The following GPC6 variants were observed in gnomAD, a reference collection of about 807,000 sequenced individuals.
The protein encoded by GPC6 is glypican-6.
A neutral mutation model predicts 55.2 loss-of-function variants in GPC6; 14 were observed. That is an observed-to-expected ratio of 0.25 (90% CI 0.17 to 0.40). The LOEUF (loss-of-function observed/expected upper bound fraction) is 0.40, where lower values mean the gene tolerates loss of function less well. Ranked by LOEUF, GPC6 falls within the 10% of genes least tolerant of loss-of-function variation. The pLI is 1.00. For missense variants in GPC6, 641 were observed against 708.5 expected, an observed-to-expected ratio of 0.90 and a Z score of 1.08; for synonymous variants, 278 against 259.6, an observed-to-expected ratio of 1.07 and a Z score of -0.68.
At chr13:93,394,668 A>G (rs1327697135) in intron 1 of GPC6, among the ~76,000 whole-genome samples, 1 of 152,224 alleles carries the variant, frequency 6.6e-6, no homozygotes, top group Non-Finnish European at 1.5e-5. Context: ...ATGCAAACCA[A>G]GTTATAGGTA....
At chr13:93,448,922 T>G (rs1043188062) in intron 1 of GPC6, among the ~76,000 whole-genome samples, 2 of 144,962 alleles carry the variant, frequency 1.4e-5, no homozygotes, top group Admixed American at 6.6e-5. Flanking sequence ...CATTCATTAG[T>G]TAATCTGCTT....
chr13:93,555,734 G>A (rs890932026), intron 2 of GPC6, among the ~76,000 whole-genome samples: 1 of 152,162 alleles, frequency 6.6e-6, no homozygotes, highest in Non-Finnish European at 1.5e-5. Context: ...ACACAGGCGT[G>A]AATAAGAAAT....
At chr13:93,418,848 G>A (rs1475283793) in intron 1 of GPC6, among the ~76,000 whole-genome samples, 2 of 150,996 alleles carry the variant, frequency 1.3e-5, no homozygotes, top group East Asian at 3.9e-4. Flanking sequence ...CTATACCGTA[G>A]CATCACTTTA....
chr13:93,576,791 A>G (rs1292937933), intron 2 of GPC6, among the ~76,000 whole-genome samples: 1 of 152,172 alleles, frequency 6.6e-6, no homozygotes. Context: ...ATTTCCATCA[A>G]GAAAGAATGT....
At chr13:93,867,811 C>G (rs1191924012) in intron 3 of GPC6, among the ~76,000 whole-genome samples, 1 of 151,730 alleles carries the variant, frequency 6.6e-6, no homozygotes, top group East Asian at 2.0e-4. Context: ...ATTCTTGAAG[C>G]TTAAATCATC....
At chr13:93,379,579 T>G (rs1875068316) in intron 1 of GPC6, among the ~76,000 whole-genome samples, 1 of 152,220 alleles carries the variant, frequency 6.6e-6, no homozygotes, top group Admixed American at 6.5e-5. Context: ...ATATATGCCT[T>G]GAATTTAGAG....
chr13:94,042,171 C>G (rs1432188155), intron 4 of GPC6, among the ~76,000 whole-genome samples: 1 of 151,728 alleles, frequency 6.6e-6, no homozygotes, highest in Non-Finnish European at 1.5e-5. Context: ...CCTTCCCTCT[C>G]TTCCTCCTAC....
chr13:94,063,918 G>A (rs185406824), intron 4 of GPC6, among the ~76,000 whole-genome samples: 1 of 152,256 alleles, frequency 6.6e-6, no homozygotes, highest in Admixed American at 6.5e-5. Context: ...TTCATGGTTG[G>A]AAGCATTTTC....
chr13:93,948,995 A>G (rs539026605), intron 3 of GPC6, among the ~76,000 whole-genome samples: 1 of 152,260 alleles, frequency 6.6e-6, no homozygotes, highest in African/African-American at 2.4e-5. Flanking sequence ...TTATCTGAGG[A>G]GATGACAGGG....
At chr13:94,125,209 A>G (rs1363380344) in intron 4 of GPC6, among the ~76,000 whole-genome samples, 3 of 152,150 alleles carry the variant, frequency 2.0e-5, no homozygotes, top group Non-Finnish European at 4.4e-5. Context: ...GTAAATTTCT[A>G]TTTTATGAAC....
At chr13:93,842,251 C>G (rs560063239) in intron 3 of GPC6, among the ~76,000 whole-genome samples, 8 of 152,112 alleles carry the variant, frequency 5.3e-5, no homozygotes, top group African/African-American at 1.2e-4. Context: ...ATCAGAGGCT[C>G]AGCCAAGGAG....
At position 94,014,894 on chromosome 13, in the gene GPC6, A is replaced by G. The variant is rs115443716; in HGVS notation, c.712-12835A>G. Among the ~76,000 whole-genome samples the G allele has an allele frequency of 3.8e-3, 574 of 152,282 alleles. 2 individuals carry two copies. Among genetic ancestry groups the G allele is most frequent in the African/African-American group, 0.013 (538 of 41,554 alleles). ...TTATTCCTTTTAATTGGTGAATAAT[A>G]TTTTGCTGTACAGATATACCACATT... On this transcript the variant is annotated intron_variant, in intron 3 of 8. Coordinates refer to ENST00000377047, the MANE Select transcript of GPC6 (RefSeq NM_005708.5).
intron 2 of GPC6, among the ~76,000 whole-genome samples, chr13:93,625,875 T>A (rs1879180072): frequency 6.6e-6 from 1 of 152,204 alleles, no homozygotes; most frequent in African/African-American, 2.4e-5. Context: ...GAACAGCCTG[T>A]ATTTTTAGGA....
At chr13:93,650,068 G>T (rs999134427) in intron 2 of GPC6, among the ~76,000 whole-genome samples, 1 of 152,102 alleles carries the variant, frequency 6.6e-6, no homozygotes, top group South Asian at 2.1e-4. Context: ...CACATGTTTC[G>T]TGATTCTCAG....
rs112921447 is a variant in GPC6, at chr13:93,375,282, G to A, written c.160+147666G>A. On this transcript the variant is annotated intron_variant, in intron 1 of 8. Transcript: ENST00000377047. ...TGAACCAGATGATGCCTTTGTGTGCGGTAATGTAATAACACAGCAAAGCCA... is the reference window on the plus strand; with the variant it reads ...TGAACCAGATGATGCCTTTGTGTGCAGTAATGTAATAACACAGCAAAGCCA... 7.3e-3 allele frequency among the ~76,000 whole-genome samples: 1,111 copies of A among 152,232 alleles called. 15 individuals are homozygous for A. Among genetic ancestry groups the A allele is most frequent in the African/African-American group, 0.025 (1,059 of 41,530 alleles).
intron 4 of GPC6, among the ~76,000 whole-genome samples, chr13:94,280,349 G>A (rs1594127208): frequency 6.6e-6 from 1 of 152,214 alleles, no homozygotes; most frequent in South Asian, 2.1e-4. Context: ...TCCTAAATTG[G>A]CCCTCTTTCC....
intron 2 of GPC6, among the ~76,000 whole-genome samples, chr13:93,761,607 C>T (rs1267791246): frequency 2.0e-5 from 3 of 152,008 alleles, no homozygotes; most frequent in African/African-American, 7.2e-5. Context: ...ACCTAGAGCT[C>T]CTAGACTCAA....
chr13:93,325,896 A>G (rs1485088792), intron 1 of GPC6, among the ~76,000 whole-genome samples: 1 of 152,130 alleles, frequency 6.6e-6, no homozygotes, highest in African/African-American at 2.4e-5. Flanking sequence ...GGAGGTATTC[A>G]GGGCCCTGCC....
intron 3 of GPC6, among the ~76,000 whole-genome samples, chr13:93,995,114 T>C (rs1473756571): frequency 5.9e-5 from 9 of 152,198 alleles, no homozygotes; most frequent in East Asian, 3.8e-4. Flanking sequence ...ATACCTTTCC[T>C]GTTTTGTCAC....
Sources: gnomAD v4.1 joint callset for allele counts (sites outside exome capture counted in the v4.1 genomes callset) on GRCh38, gnomAD v4.1.1 for gene constraint, MANE v1.5 for transcripts, NCBI Gene and HGNC (gene_info 2026-07-23, HGNC 2026-07-21) for gene names.